The following CTNNA2 variants were observed in gnomAD, a reference collection of about 807,000 sequenced individuals.
CTNNA2 encodes the protein catenin alpha 2.
CTNNA2 carries 42 observed loss-of-function variants against 101.0 expected under a neutral mutation model. That is an observed-to-expected ratio of 0.42 (90% confidence interval 0.32 to 0.54). The LOEUF is 0.54. CTNNA2 is among the 20% of genes least tolerant of loss of function. The probability of loss-of-function intolerance (pLI) is 0.14; values close to 1 mark genes in which losing one functional copy is unlikely to be tolerated. For missense variants in CTNNA2, 871 were observed against 1,223.1 expected (o/e 0.71, Z 4.29); for synonymous variants, 450 against 456.4 (o/e 0.99, Z 0.18).
intron 8 of CTNNA2, among the ~76,000 whole-genome samples, chr2:80,394,766 C>CT (rs11381620): frequency 0.22 from 33,651 of 149,604 alleles, 5,873 homozygotes; most frequent in African/African-American, 0.5. Flanking sequence ...TCTGCAAACT[C>CT]TTTTTTTTTT....
chr2:79,567,811 T>G (rs142505332), intron 1 of CTNNA2, among the ~76,000 whole-genome samples: 1 of 152,004 alleles, frequency 6.6e-6, no homozygotes, highest in African/African-American at 2.4e-5. Context: ...AATCATCAAC[T>G]TGAATGGTTA....
intron 4 of CTNNA2, among the ~76,000 whole-genome samples, chr2:79,488,599 T>C (rs1488308531): frequency 1.3e-5 from 2 of 152,206 alleles, no homozygotes; most frequent in Non-Finnish European, 2.9e-5. Context: ...CCAGAGCATG[T>C]GATAGACATT....
intron 3 of CTNNA2, among the ~76,000 whole-genome samples, chr2:79,332,069 A>T (rs1676885479): frequency 6.6e-6 from 1 of 152,152 alleles, no homozygotes; most frequent in Non-Finnish European, 1.5e-5. Context: ...AGTACTTAAC[A>T]TTGCGAGATG....
intron 6 of CTNNA2, among the ~76,000 whole-genome samples, chr2:79,892,051 A>T (rs1684343100): frequency 6.6e-6 from 1 of 152,118 alleles, no homozygotes; most frequent in Non-Finnish European, 1.5e-5. Context: ...ATATTTTATC[A>T]TATTGGCTTG....
intron 3 of CTNNA2, among the ~76,000 whole-genome samples, chr2:79,763,018 C>T (rs1672903541): frequency 6.6e-6 from 1 of 152,122 alleles, no homozygotes; most frequent in South Asian, 2.1e-4. Flanking sequence ...GTGCTCTTAT[C>T]CCCTTAATTT....
chr2:80,591,326 G>A (rs1225283972), intron 15 of CTNNA2, among the ~76,000 whole-genome samples: 2 of 151,942 alleles, frequency 1.3e-5, no homozygotes, highest in Non-Finnish European at 2.9e-5. Context: ...ATGATGAGTC[G>A]TTTTGTGTTC....
intron 15 of CTNNA2, among the ~76,000 whole-genome samples, chr2:80,595,148 T>C (rs1335000735): frequency 6.6e-6 from 1 of 152,196 alleles, no homozygotes; most frequent in Non-Finnish European, 1.5e-5. Context: ...TGACTTTCCA[T>C]TTATTTTTGT....
intron 2 of CTNNA2, among the ~76,000 whole-genome samples, chr2:79,211,956 T>C (rs904619605): frequency 6.6e-6 from 1 of 152,078 alleles, no homozygotes; most frequent in Non-Finnish European, 1.5e-5. Context: ...GGGGTGATAT[T>C]GTGGGACTGT....
At chr2:80,348,416 AG>A (rs760302738) in intron 7 of CTNNA2, among the ~76,000 whole-genome samples, 1 of 152,184 alleles carries the variant, frequency 6.6e-6, no homozygotes, top group Non-Finnish European at 1.5e-5. Flanking sequence ...AATGCTATGC[AG>A]TAGTTATTTC....
chr2:79,585,941 G>A (rs1453058020), intron 1 of CTNNA2, among the ~76,000 whole-genome samples: 3 of 152,148 alleles, frequency 2.0e-5, no homozygotes, highest in African/African-American at 7.2e-5. Flanking sequence ...ACCACGCTTG[G>A]AGAAAGAGTG....
At chr2:79,935,357 T>TG (rs1348829691) in intron 7 of CTNNA2, among the ~76,000 whole-genome samples, 9 of 151,910 alleles carry the variant, frequency 5.9e-5, no homozygotes, top group Non-Finnish European at 1.3e-4. Context: ...TCTCTCTTTT[T>TG]TTTTTTTTAA....
intron 7 of CTNNA2, among the ~76,000 whole-genome samples, chr2:80,046,446 G>A (rs552813175): frequency 5.1e-4 from 78 of 152,130 alleles, no homozygotes; most frequent in Non-Finnish European, 9.7e-4. Flanking sequence ...AGAGGACAAA[G>A]GTAAGTATCC....
intron 1 of CTNNA2, among the ~76,000 whole-genome samples, chr2:79,544,755 G>C (rs1673629038): frequency 6.6e-6 from 1 of 152,128 alleles, no homozygotes; most frequent in South Asian, 2.1e-4. Flanking sequence ...ATGCTTAGCA[G>C]GTATTTAGAG....
intron 4 of CTNNA2, among the ~76,000 whole-genome samples, chr2:79,466,518 T>G (rs574981948): frequency 6.6e-6 from 1 of 152,136 alleles, no homozygotes; most frequent in African/African-American, 2.4e-5. Context: ...TCTGACAGCT[T>G]TGAAGAGAGT....
intron 17 of CTNNA2, among the ~76,000 whole-genome samples, chr2:80,613,677 A>T (rs1425717661): frequency 6.6e-6 from 1 of 151,500 alleles, no homozygotes; most frequent in African/African-American, 2.4e-5. Context: ...TTGGTTATCT[A>T]ACTGAATTGT....
At chr2:80,116,293 T>G (rs1900265) in intron 7 of CTNNA2, among the ~76,000 whole-genome samples, 1 of 151,128 alleles carries the variant, frequency 6.6e-6, no homozygotes, top group African/African-American at 2.4e-5. Context: ...GACTGTGTTC[T>G]GGCTGTTACA....
At chr2:80,016,501 T>C (rs1388988484) in intron 7 of CTNNA2, among the ~76,000 whole-genome samples, 1 of 152,158 alleles carries the variant, frequency 6.6e-6, no homozygotes, top group African/African-American at 2.4e-5. Context: ...CTTTAATTAA[T>C]GACACTTTAA....
intron 3 of CTNNA2, among the ~76,000 whole-genome samples, chr2:79,817,327 T>C (rs956053416): frequency 1.1e-4 from 13 of 119,276 alleles, no homozygotes; most frequent in Non-Finnish European, 1.5e-4. Flanking sequence ...TTTTTTTTTT[T>C]TTTTTTTTTT....
chr2:79,917,358 G>A (rs1244967581), intron 7 of CTNNA2, among the ~76,000 whole-genome samples: 1 of 152,106 alleles, frequency 6.6e-6, no homozygotes, highest in African/African-American at 2.4e-5. Context: ...GTGAGCCACC[G>A]TGCCTGGCCT....
Sources: allele counts gnomAD v4.1 joint callset (sites outside exome capture counted in the v4.1 genomes callset), GRCh38; gene constraint gnomAD v4.1.1; transcripts MANE v1.5; gene names NCBI Gene and HGNC (gene_info 2026-07-23, HGNC 2026-07-21).